ATXN10: variants seen among roughly 807,000 people sequenced by gnomAD.
The protein encoded by ATXN10 is ataxin-10.
Under a neutral mutation model 52.9 loss-of-function variants are expected in ATXN10, and 28 were observed. The observed-to-expected ratio is 0.53, with a 90% CI of 0.39 to 0.73. The LOEUF (loss-of-function observed/expected upper bound fraction) is 0.73. Ranked by LOEUF, ATXN10 falls within the 30% of genes least tolerant of loss-of-function variation. ATXN10 has a pLI of 0.00. For synonymous variants in ATXN10, 226 were observed against 221.5 expected (o/e 1.02, Z -0.18); for missense variants, 565 against 577.0 (o/e 0.98, Z 0.21).
chr22:45,736,389 A>G (rs922059823), intron 7 of ATXN10, among the ~76,000 whole-genome samples: 3 of 152,112 alleles, frequency 2.0e-5, no homozygotes, highest in African/African-American at 4.8e-5. Flanking sequence ...TAATAATAAC[A>G]TTTATTATCA....
rs1482618920 is a variant in ATXN10, at chr22:45,783,546, C to G, written c.1174-23413C>G. Among the ~76,000 whole-genome samples, 1 of 152,180 alleles carries G rather than the reference C, an allele frequency of 6.6e-6. No individual in the cohort carries two copies. The highest frequency in any genetic ancestry group is 1.5e-5 in the Non-Finnish European group (1 of 68,046). ...GACCTGCCTGGCCGGCTCAGGTGTCCTCTTCTGTATTCCTGCAGCCCTTCG... is the reference window on the plus strand; with the variant it reads ...GACCTGCCTGGCCGGCTCAGGTGTCGTCTTCTGTATTCCTGCAGCCCTTCG... On this transcript the variant is annotated intron_variant, in intron 9 of 11. Coordinates refer to ENST00000252934, the MANE Select transcript of ATXN10 (RefSeq NM_013236.4). This position sits in a 1 kb window ranked among gnomAD's most constrained non-coding sequence, Gnocchi z 5.0.
intron 5 of ATXN10, among the ~76,000 whole-genome samples, chr22:45,714,739 C>T (rs1282885473): frequency 6.6e-6 from 1 of 152,048 alleles, no homozygotes; most frequent in African/African-American, 2.4e-5. Context: ...ATTAATCAGT[C>T]TTTTAAAAAA....
At chr22:45,811,346 T>G (rs1259549287) in intron 10 of ATXN10, among the ~76,000 whole-genome samples, 1 of 152,190 alleles carries the variant, frequency 6.6e-6, no homozygotes, top group African/African-American at 2.4e-5. Context: ...TTATCAGTCC[T>G]TTTATTCTCA....
intron 7 of ATXN10, among the ~76,000 whole-genome samples, chr22:45,735,705 G>GA (rs1168035543): frequency 1.3e-4 from 20 of 150,702 alleles, no homozygotes; most frequent in Admixed American, 1.1e-3. Context: ...ATTGCTCAAA[G>GA]ATACGAAATG....
intron 9 of ATXN10, among the ~76,000 whole-genome samples, chr22:45,800,916 A>G (rs527798838): frequency 2.6e-5 from 4 of 152,354 alleles, no homozygotes; most frequent in African/African-American, 9.6e-5. Context: ...CAGTGATTGC[A>G]GAGCTGCGCA....
intron 6 of ATXN10, among the ~76,000 whole-genome samples, chr22:45,726,716 C>T (rs948646012): frequency 1.3e-5 from 2 of 152,114 alleles, no homozygotes; most frequent in African/African-American, 4.8e-5. Context: ...GAGACAGGGT[C>T]GTGCTGTGTC....
intron 1 of ATXN10, among the ~76,000 whole-genome samples, chr22:45,686,464 G>T (rs1471205355): frequency 2.0e-5 from 3 of 152,164 alleles, no homozygotes; most frequent in Non-Finnish European, 4.4e-5. Flanking sequence ...GCTTCATAGA[G>T]GGAGTCTGTT....
rs776748033 is a variant in ATXN10 at position 45,845,271 on chromosome 22, A to C, written c.*1600A>C. ...TGTCGGTATGAGCTATATAATAACA[A>C]ACACAAATAAATAAAAGGGAGCCTT... On this transcript the variant is annotated 3_prime_UTR_variant, in exon 12 of 12. Coordinates refer to ENST00000252934, the MANE Select transcript of ATXN10 (RefSeq NM_013236.4). This position sits in a 1 kb window ranked among gnomAD's most constrained non-coding sequence, Gnocchi z 4.7. 1 of 152,224 alleles carries C rather than the reference A, an allele frequency of 6.6e-6. No homozygotes were observed. The highest frequency in any genetic ancestry group is 1.5e-5 in the Non-Finnish European group (1 of 68,048). 9.4% of individuals were successfully genotyped at this position (152,224 alleles called of 1,614,324 possible).
rs1924306545 is a variant in ATXN10 at position 45,712,947 on chromosome 22, T to G, written c.648-5466T>G. Among the ~76,000 whole-genome samples the G allele has an allele frequency of 6.6e-6, 1 of 152,174 alleles. No individual in the cohort carries two copies. Among genetic ancestry groups the G allele is most frequent in the African/African-American group, 2.4e-5 (1 of 41,422 alleles). The stretch of plus-strand genomic sequence containing the variant: ...GTGGCATTTATTTTCCATAGCACAT[T>G]TAAATCAAAATTTGTTTATGAGGTA... On this transcript the variant is annotated intron_variant, in intron 5 of 11. Coordinates refer to ENST00000252934, the MANE Select transcript of ATXN10 (RefSeq NM_013236.4). This position sits in a 1 kb window ranked among gnomAD's most constrained non-coding sequence, Gnocchi z 4.6.
intron 9 of ATXN10, among the ~76,000 whole-genome samples, chr22:45,742,134 A>G (rs1925559553): frequency 6.6e-6 from 1 of 152,052 alleles, no homozygotes; most frequent in Admixed American, 6.6e-5. Context: ...CCCACCCTAG[A>G]GTTTATAGTA....
intron 1 of ATXN10, chr22:45,679,277 C>T (rs1462294871): frequency 2.0e-5 from 3 of 152,142 alleles, no homozygotes; most frequent in Admixed American, 1.3e-4. Context: ...TTATTATTTT[C>T]TTGAACACCT....
At chr22:45,812,898 CAG>C (rs1240039907) in intron 10 of ATXN10, among the ~76,000 whole-genome samples, 12 of 152,160 alleles carry the variant, frequency 7.9e-5, no homozygotes, top group Non-Finnish European at 1.6e-4. Flanking sequence ...ACTGGCCTGT[CAG>C]AGCAGATTAG....
In ATXN10 at chr22:45,740,492, G is replaced by C; in HGVS notation, c.1127G>C (p.Arg376Pro). The change falls in exon 9 of 12, where the codon CGT becomes CCT. Residue 376 changes from arginine to proline, a missense_variant. Physicochemically the swap from Arg to Pro is moderately radical, Grantham distance 103 (BLOSUM62 -2). Coordinates refer to ENST00000252934, the MANE Select transcript of ATXN10 (RefSeq NM_013236.4). Reference protein sequence around the residue: ...VANGFKSHLIRLIGNLCYKNK... With the variant: ...VANGFKSHLIPLIGNLCYKNK... ...AATGGGTTTAAGTCTCATCTCATTC[G>C]TCTGATTGGAAATCTGTGTTACAAG... The C allele has an allele frequency of 6.2e-7, 1 of 1,613,788 alleles. No homozygotes were observed. The highest frequency in any genetic ancestry group is 8.5e-7 in the Non-Finnish European group (1 of 1,179,880).
intron 1 of ATXN10, chr22:45,675,064 A>C (rs1730101432): frequency 6.6e-6 from 1 of 152,200 alleles, no homozygotes; most frequent in Non-Finnish European, 1.5e-5. Context: ...GTAATATTAT[A>C]TGTGTAGCAT....
At chr22:45,713,244 A>G (rs1924319357) in intron 5 of ATXN10, among the ~76,000 whole-genome samples, 1 of 152,202 alleles carries the variant, frequency 6.6e-6, no homozygotes, top group African/African-American at 2.4e-5. Context: ...GCAGATGCTG[A>G]TTCATCTGCC....
intron 9 of ATXN10, among the ~76,000 whole-genome samples, chr22:45,806,431 A>G (rs931763302): frequency 6.6e-6 from 1 of 152,158 alleles, no homozygotes; most frequent in Non-Finnish European, 1.5e-5. Context: ...TTATATATTA[A>G]AATATTAATC....
rs983833433 is a variant in ATXN10 at position 45,816,040 on chromosome 22, A to G, written c.1237+9018A>G. ...TGAGGTGTGTGCATCACTTGAGGTC[A>G]GGAGTTTGAGACCAGCCTAGTCAAC... On this transcript the variant is annotated intron_variant, in intron 10 of 11. Transcript: ENST00000252934. The surrounding 1 kb of genome is among the most constrained non-coding windows in gnomAD (Gnocchi z 5.8). Among the ~76,000 whole-genome samples, 4 of 152,128 alleles carry G rather than the reference A, an allele frequency of 2.6e-5. No individual in the cohort carries two copies. The highest frequency in any genetic ancestry group is 4.8e-5 in the African/African-American group (2 of 41,416).
At chr22:45,767,859 G>T (rs934677748) in intron 9 of ATXN10, among the ~76,000 whole-genome samples, 3 of 152,274 alleles carry the variant, frequency 2.0e-5, no homozygotes, top group Non-Finnish European at 4.4e-5. Context: ...ACTGCATTCT[G>T]TTAGTAGCAA....
At chr22:45,812,871 C>T (rs574886859) in intron 10 of ATXN10, among the ~76,000 whole-genome samples, 5 of 152,262 alleles carry the variant, frequency 3.3e-5, no homozygotes, top group East Asian at 1.9e-4. Context: ...GGCCACCCTA[C>T]GGGTTAGGAA....
Sources: gnomAD v4.1 joint callset for allele counts (sites outside exome capture counted in the v4.1 genomes callset) on GRCh38, gnomAD v4.1.1 for gene constraint, Gnocchi (gnomAD v3.1) non-coding constraint, MANE v1.5 for transcripts, NCBI Gene and HGNC (gene_info 2026-07-23, HGNC 2026-07-21) for gene names.